The following FAM118A variants were observed in gnomAD, a reference collection of about 807,000 sequenced individuals.
FAM118A encodes the protein SIR2 antiphage like 2, also known as protein FAM118A.
A neutral mutation model predicts 38.2 loss-of-function variants in FAM118A; 25 were observed. The ratio of observed to expected loss-of-function variants is 0.65; its 90% confidence interval spans 0.48 to 0.91. The LOEUF (loss-of-function observed/expected upper bound fraction) is 0.91, where lower values mean the gene tolerates loss of function less well. Among genes scored for constraint, FAM118A ranks in the 40% least tolerant of loss-of-function variants. FAM118A has a pLI of 0.00. For synonymous variants in FAM118A, 178 were observed against 184.1 expected, an observed-to-expected ratio of 0.97 and a Z score of 0.27; for missense variants, 425 against 463.3, an observed-to-expected ratio of 0.92 and a Z score of 0.76.
At chr22:45,314,280 T>C (rs975048409) in intron 1 of FAM118A, among the ~76,000 whole-genome samples, 3 of 152,354 alleles carry the variant, frequency 2.0e-5, no homozygotes, top group Admixed American at 2.0e-4. Flanking sequence ...GTCTTTTTCC[T>C]GGAGCTGCTC....
intron 4 of FAM118A, chr22:45,329,909 G>A (rs1478761400): frequency 6.6e-6 from 1 of 152,286 alleles, no homozygotes; most frequent in Non-Finnish European, 1.5e-5. Context: ...TGACTTGACA[G>A]TGACCCGATG....
At chr22:45,340,134 C>T (rs535238473) in intron 8 of FAM118A, among the ~76,000 whole-genome samples, 3 of 152,296 alleles carry the variant, frequency 2.0e-5, no homozygotes, top group Admixed American at 2.0e-4. Context: ...AAAGAGCATC[C>T]ATGTTCATGG....
At chr22:45,336,783 C>CA (rs2086131085) in intron 8 of FAM118A, among the ~76,000 whole-genome samples, 2 of 152,234 alleles carry the variant, frequency 1.3e-5, no homozygotes, top group Admixed American at 6.5e-5. Context: ...CATCTAATCA[C>CA]ACGCAGTTGA....
intron 1 of FAM118A, among the ~76,000 whole-genome samples, chr22:45,310,895 C>T (rs916638881): frequency 2.0e-5 from 3 of 152,254 alleles, no homozygotes; most frequent in Admixed American, 1.3e-4. Flanking sequence ...GTTGTCTCCT[C>T]CTTAATTTTT....
At chr22:45,332,093 C>G (rs938551597) in intron 5 of FAM118A, among the ~76,000 whole-genome samples, 3 of 152,196 alleles carry the variant, frequency 2.0e-5, no homozygotes, top group Admixed American at 2.0e-4. Context: ...GGTGACTGCA[C>G]TGGTGAGTGT....
chr22:45,317,828 T>A (rs183293710), intron 1 of FAM118A, among the ~76,000 whole-genome samples: 185 of 152,360 alleles, frequency 1.2e-3, no homozygotes, highest in Non-Finnish European at 2.4e-3. Context: ...CAGGGCAGAA[T>A]TCCACCGGGA....
intron 7 of FAM118A, among the ~76,000 whole-genome samples, chr22:45,336,088 G>A (rs967297781): frequency 2.6e-5 from 4 of 152,170 alleles, no homozygotes; most frequent in Non-Finnish European, 5.9e-5. Context: ...CGCCGCAGTC[G>A]GCTCCCCGTT....
At chr22:45,327,775 C>T in intron 3 of FAM118A, 67 bp from the exon 4 acceptor site, 1 of 1,521,034 alleles carries the variant, frequency 6.6e-7, no homozygotes, top group Admixed American at 1.7e-5. Flanking sequence ...CAGAAAATGG[C>T]CTGCTTAGGT....
chr22:45,312,025 G>A (rs1369527162), intron 1 of FAM118A, among the ~76,000 whole-genome samples: 2 of 152,112 alleles, frequency 1.3e-5, no homozygotes, highest in African/African-American at 4.8e-5. Flanking sequence ...TCAGAGGTGG[G>A]CCAGGACCAT....
Position 45,340,865 on chromosome 22 carries a change from G to C in FAM118A, c.*460G>C, listed in dbSNP as rs772461515. 4.5e-5 allele frequency: 7 copies of C among 155,626 alleles called. No individual in the cohort carries two copies. Among genetic ancestry groups the C allele is most frequent in the Admixed American group, 6.4e-5 (1 of 15,606 alleles). 9.6% of individuals were successfully genotyped at this position (155,626 alleles called of 1,614,324 possible). A position where few individuals can be genotyped will look rare whatever the true frequency, so the allele number is the denominator to read the frequency against. On this transcript the variant is annotated 3_prime_UTR_variant, in exon 9 of 9. Transcript: ENST00000441876. ...CACCCAGGACAGAGTGCAGTGGTACGATCTCAAGCTCACTGCAGCCACCAC... is the reference window on the plus strand; with the variant it reads ...CACCCAGGACAGAGTGCAGTGGTACCATCTCAAGCTCACTGCAGCCACCAC...
intron 8 of FAM118A, chr22:45,337,884 T>C (rs906117906): frequency 1.2e-5 from 12 of 985,314 alleles, no homozygotes; most frequent in Middle Eastern, 5.2e-4. Context: ...GGATTCTCCG[T>C]TGTGATTCCC....
chr22:45,337,231 G>A (rs1039365429), intron 8 of FAM118A, among the ~76,000 whole-genome samples: 1 of 152,254 alleles, frequency 6.6e-6, no homozygotes, highest in Non-Finnish European at 1.5e-5. Flanking sequence ...GGACAGAAAG[G>A]AAACGAGACC....
chr22:45,314,361 A>G (rs185386517), intron 1 of FAM118A, among the ~76,000 whole-genome samples: 649 of 56,904 alleles, frequency 0.011, 9 homozygotes, highest in African/African-American at 0.019. Context: ...AACTGTAGAA[A>G]ACTAAACTGT....
chr22:45,331,310 C>T (rs186869889), intron 5 of FAM118A, among the ~76,000 whole-genome samples: 30 of 152,202 alleles, frequency 2.0e-4, no homozygotes, highest in South Asian at 2.1e-4. Flanking sequence ...GGCAACAGAG[C>T]GATACCTCAT....
intron 3 of FAM118A, among the ~76,000 whole-genome samples, chr22:45,325,120 A>C (rs2080568673): frequency 1.3e-5 from 2 of 152,206 alleles, no homozygotes; most frequent in African/African-American, 4.8e-5. Context: ...GAGGAGTCGA[A>C]GGGAGGCCAG....
chr22:45,315,030 G>A (rs1013497833), intron 1 of FAM118A, among the ~76,000 whole-genome samples: 7 of 152,240 alleles, frequency 4.6e-5, no homozygotes, highest in South Asian at 2.1e-4. Context: ...GAGATAGTGC[G>A]TGTAAAACGC....
intron 1 of FAM118A, among the ~76,000 whole-genome samples, chr22:45,311,673 G>A (rs180775436): frequency 2.0e-5 from 3 of 152,244 alleles, no homozygotes; most frequent in Admixed American, 2.0e-4. Flanking sequence ...GAGAGGGGCG[G>A]GAGTTGGTGT....
chr22:45,338,877 C>T (rs983090381), intron 8 of FAM118A, among the ~76,000 whole-genome samples: 1 of 152,164 alleles, frequency 6.6e-6, no homozygotes, highest in Non-Finnish European at 1.5e-5. Flanking sequence ...TGCAATAGTC[C>T]ATGTTATAAA....
At chr22:45,319,837 C>T (rs946700422) in intron 1 of FAM118A, among the ~76,000 whole-genome samples, 2 of 152,196 alleles carry the variant, frequency 1.3e-5, no homozygotes, top group Non-Finnish European at 2.9e-5. Flanking sequence ...CAAGCCCCAG[C>T]CCGGACTCTG....
Sources: allele counts gnomAD v4.1 joint callset (sites outside exome capture counted in the v4.1 genomes callset), GRCh38; gene constraint gnomAD v4.1.1; transcripts MANE v1.5; gene names NCBI Gene and HGNC (gene_info 2026-07-23, HGNC 2026-07-21).